The following ZFAT variants were observed in gnomAD, a reference collection of about 807,000 sequenced individuals.
The protein encoded by ZFAT is zinc finger protein ZFAT.
In ZFAT, 64 loss-of-function variants were observed where a neutral mutation model predicts 117.7. That is an observed-to-expected ratio of 0.54 (90% CI 0.44 to 0.67). ZFAT has a LOEUF of 0.67. ZFAT is among the 30% of genes least tolerant of loss of function. The probability of loss-of-function intolerance (pLI) is 0.00; values close to 1 mark genes in which losing one functional copy is unlikely to be tolerated. For synonymous variants in ZFAT, 679 were observed against 615.0 expected, an observed-to-expected ratio of 1.10 and a Z score of -1.54; for missense variants, 1,433 against 1,584.5, an observed-to-expected ratio of 0.90 and a Z score of 1.62.
intron 1 of ZFAT, among the ~76,000 whole-genome samples, chr8:134,707,530 A>C: frequency 6.6e-6 from 1 of 152,188 alleles, no homozygotes; most frequent in East Asian, 1.9e-4. Context: ...GAGAATATCT[A>C]ACACTAAGAA....
chr8:134,678,437 A>G (rs1324893420), intron 1 of ZFAT, among the ~76,000 whole-genome samples: 1 of 152,222 alleles, frequency 6.6e-6, no homozygotes, highest in Non-Finnish European at 1.5e-5. Context: ...TCAAGGAAAT[A>G]AGAGAGGACA....
intron 2 of ZFAT, 120 bp from the exon 3 acceptor site, chr8:134,637,832 A>G: frequency 1.5e-6 from 2 of 1,371,950 alleles, no homozygotes; most frequent in Non-Finnish European, 9.8e-7. Context: ...TGAAAAGTCT[A>G]AAGTGATTCC....
chr8:134,772,396 G>A, the ZFAT span, among the ~76,000 whole-genome samples: 2 of 152,152 alleles, frequency 1.3e-5, no homozygotes, highest in Admixed American at 6.6e-5. Context: ...TTGTTGACAT[G>A]GAGAAAATTT....
intron 4 of ZFAT, 149 bp from the exon 5 acceptor site, chr8:134,609,028 A>G (rs1371010748): frequency 2.0e-5 from 20 of 996,866 alleles, no homozygotes; most frequent in Non-Finnish European, 2.8e-5. Flanking sequence ...GCACATTTAC[A>G]TTTTTTGGGT....
rs115355656 is a variant in ZFAT at position 134,624,841 on chromosome 8, T to G, written c.448+12620A>C. On this transcript the variant is annotated intron_variant, in intron 3 of 15. Transcript: ENST00000377838. ...TTTAATGTAAATGCAATCACACATT[T>G]GTAGAAATTAGTTCATATGCATTCA... Among the ~76,000 whole-genome samples, 916 of 152,310 alleles carry G rather than the reference T, an allele frequency of 6.0e-3. 6 individuals carry two copies. The highest frequency in any genetic ancestry group is 0.02 in the African/African-American group (845 of 41,552).
At chr8:134,670,207 A>C (rs1444354931) in intron 1 of ZFAT, among the ~76,000 whole-genome samples, 1 of 152,256 alleles carries the variant, frequency 6.6e-6, no homozygotes, top group Non-Finnish European at 1.5e-5. Flanking sequence ...ACAGAAAGTT[A>C]ACAAGGATAT....
intron 2 of ZFAT, among the ~76,000 whole-genome samples, chr8:134,655,745 G>C (rs181002664): frequency 3.1e-4 from 47 of 152,348 alleles, no homozygotes; most frequent in African/African-American, 1.1e-3. Flanking sequence ...TAAAAGCTTT[G>C]CAAGAGCCAG....
At chr8:134,747,573 T>G in the ZFAT span, among the ~76,000 whole-genome samples, 2 of 152,198 alleles carry the variant, frequency 1.3e-5, no homozygotes, top group Non-Finnish European at 2.9e-5. Flanking sequence ...CTACTATTAT[T>G]TATTACTCAC....
intron 11 of ZFAT, among the ~76,000 whole-genome samples, chr8:134,538,790 C>A (rs113928546): frequency 3.8e-5 from 5 of 130,168 alleles, no homozygotes; most frequent in African/African-American, 1.3e-4. Context: ...AAGTGAGACC[C>A]TGTCACAAAA....
chr8:134,482,387 T>G (rs1194067504), intron 15 of ZFAT, among the ~76,000 whole-genome samples: 1 of 152,174 alleles, frequency 6.6e-6, no homozygotes, highest in African/African-American at 2.4e-5. Flanking sequence ...TTGAAAAGCC[T>G]TGGTCATCAG....
At chr8:134,524,041 C>T (rs935497102) in intron 12 of ZFAT, among the ~76,000 whole-genome samples, 7 of 152,212 alleles carry the variant, frequency 4.6e-5, no homozygotes, top group East Asian at 3.8e-4. Context: ...TCCCAGCACC[C>T]GGCATCTAGC....
intron 10 of ZFAT, among the ~76,000 whole-genome samples, chr8:134,566,086 A>C (rs1329454128): frequency 1.3e-4 from 19 of 151,898 alleles, no homozygotes; most frequent in African/African-American, 4.1e-4. Flanking sequence ...AAAGTAAACC[A>C]CTGGTCTTAA....
chr8:134,812,729 C>T, the ZFAT span, among the ~76,000 whole-genome samples: 1 of 152,190 alleles, frequency 6.6e-6, no homozygotes, highest in Non-Finnish European at 1.5e-5. Flanking sequence ...GAGCAAGACT[C>T]TGTCTCAATC....
chr8:134,661,867 C>T (rs759969122), intron 1 of ZFAT, among the ~76,000 whole-genome samples: 3 of 152,044 alleles, frequency 2.0e-5, no homozygotes, highest in Non-Finnish European at 2.9e-5. Flanking sequence ...GCAGGCAGCG[C>T]AAGACGGGGT....
At chr8:134,674,783 C>A in intron 1 of ZFAT, 1 of 298,838 alleles carries the variant, frequency 3.3e-6, no homozygotes, top group Non-Finnish European at 6.7e-6. Context: ...TGGGACGAAG[C>A]TTCCAGAGGC....
At chr8:134,759,049 G>A in the ZFAT span, among the ~76,000 whole-genome samples, 64,045 of 151,690 alleles carry the variant, frequency 0.42, 13,665 homozygotes, top group Admixed American at 0.49. Context: ...GTGACAAACA[G>A]CATTGTCTAT....
At chr8:134,793,078 C>T in the ZFAT span, 1 of 152,116 alleles carries the variant, frequency 6.6e-6, no homozygotes, top group South Asian at 2.1e-4. Flanking sequence ...CACCTTTGCT[C>T]CCAGACCATC....
At chr8:134,500,794 C>T (rs1818916015) in intron 15 of ZFAT, among the ~76,000 whole-genome samples, 1 of 152,226 alleles carries the variant, frequency 6.6e-6, no homozygotes, top group Admixed American at 6.5e-5. Context: ...ATTGCCAAGA[C>T]TCTGAATGAA....
At chr8:134,771,664 T>C in the ZFAT span, among the ~76,000 whole-genome samples, 1 of 152,210 alleles carries the variant, frequency 6.6e-6, no homozygotes, top group African/African-American at 2.4e-5. Flanking sequence ...CTCCAAACTG[T>C]TCCAATCCCT....
Sources: gnomAD v4.1 joint callset for allele counts (sites outside exome capture counted in the v4.1 genomes callset) on GRCh38, gnomAD v4.1.1 for gene constraint, MANE v1.5 for transcripts, NCBI Gene and HGNC (gene_info 2026-07-23, HGNC 2026-07-21) for gene names.